PLSCR4: variants seen among roughly 807,000 people sequenced by gnomAD.
PLSCR4 encodes Ca(2+)-dependent phospholipid scramblase 4.
PLSCR4 carries 25 observed loss-of-function variants against 36.3 expected under a neutral mutation model. The ratio of observed to expected loss-of-function variants is 0.69; its 90% CI spans 0.50 to 0.96. The LOEUF (loss-of-function observed/expected upper bound fraction) is 0.96. Ranked by LOEUF, PLSCR4 falls within the 40% of genes least tolerant of loss-of-function variation. PLSCR4 has a pLI of 0.00. For missense variants in PLSCR4, 408 were observed against 414.7 expected (o/e 0.98, Z 0.14); for synonymous variants, 122 against 132.9 (o/e 0.92, Z 0.56).
intron 3 of PLSCR4, among the ~76,000 whole-genome samples, chr3:146,212,574 C>G (rs1032616615): frequency 1.6e-4 from 25 of 151,856 alleles, no homozygotes; most frequent in African/African-American, 6.0e-4. Flanking sequence ...CCCTAGCCTC[C>G]AGGTAACTGG....
chr3:146,238,014 C>T, intron 1 of PLSCR4, among the ~76,000 whole-genome samples: 1 of 151,612 alleles, frequency 6.6e-6, no homozygotes, highest in Admixed American at 6.6e-5. Context: ...CATATTAATA[C>T]TAACCTTACA....
At chr3:146,247,155 A>G (rs1283249936) in intron 1 of PLSCR4, among the ~76,000 whole-genome samples, 1 of 152,174 alleles carries the variant, frequency 6.6e-6, no homozygotes, top group Non-Finnish European at 1.5e-5. Flanking sequence ...GCCTAATGAC[A>G]ACAAGTTAAA....
chr3:146,211,642 T>C (rs2034626082), intron 3 of PLSCR4, among the ~76,000 whole-genome samples: 1 of 152,138 alleles, frequency 6.6e-6, no homozygotes, highest in African/African-American at 2.4e-5. Flanking sequence ...CATAAATACT[T>C]ACATCTATAT....
Position 146,201,018 on chromosome 3 carries a change from A to G in PLSCR4, c.397+17T>C, listed in dbSNP as rs1353997295. 1 of 1,518,472 alleles carries G rather than the reference A, an allele frequency of 6.6e-7. No homozygotes were observed. The highest frequency in any genetic ancestry group is 8.9e-7 in the Non-Finnish European group (1 of 1,120,926). The allele number at this position is 1,518,472 out of a possible 1,614,324, so 94.1% of individuals were successfully genotyped here. On this transcript the variant is annotated intron_variant, in intron 5 of 8. Coordinates refer to ENST00000354952, the MANE Select transcript of PLSCR4 (RefSeq NM_020353.3). ...TCTGATTAAAATACTGCTGAGCACT[A>G]CAAAAATTATACATACTTTCCAGAG...
chr3:146,243,437 T>C (rs953347373), intron 1 of PLSCR4, among the ~76,000 whole-genome samples: 3 of 152,158 alleles, frequency 2.0e-5, no homozygotes, highest in Non-Finnish European at 2.9e-5. Flanking sequence ...GATGAACCAA[T>C]CTCTAACTTT....
intron 1 of PLSCR4, among the ~76,000 whole-genome samples, chr3:146,239,403 G>C (rs183101618): frequency 6.6e-6 from 1 of 151,572 alleles, no homozygotes; most frequent in African/African-American, 2.4e-5. Context: ...GAACAGAAAT[G>C]AGAATCCAGA....
chr3:146,203,543 G>C (rs2034155108), intron 4 of PLSCR4, among the ~76,000 whole-genome samples: 1 of 152,020 alleles, frequency 6.6e-6, no homozygotes, highest in African/African-American at 2.4e-5. Flanking sequence ...TCTTGTTATA[G>C]TTAGGATCTT....
intron 4 of PLSCR4, among the ~76,000 whole-genome samples, chr3:146,202,165 A>G (rs2034080629): frequency 6.6e-6 from 1 of 152,024 alleles, no homozygotes; most frequent in Non-Finnish European, 1.5e-5. Flanking sequence ...AGACATAAAT[A>G]TGCCTCATAA....
intron 5 of PLSCR4, among the ~76,000 whole-genome samples, 162 bp from the exon 6 acceptor site, chr3:146,200,201 A>C (rs534868993): frequency 4.6e-5 from 7 of 152,198 alleles, no homozygotes; most frequent in African/African-American, 1.4e-4. Context: ...ATATTATCTA[A>C]AAGTATTTAA....
At chr3:146,224,658 G>A (rs1027941538) in intron 1 of PLSCR4, among the ~76,000 whole-genome samples, 2 of 152,028 alleles carry the variant, frequency 1.3e-5, no homozygotes, top group African/African-American at 4.8e-5. Flanking sequence ...AAGAAAAAAA[G>A]CTTCCACAGT....
intron 1 of PLSCR4, among the ~76,000 whole-genome samples, chr3:146,249,715 A>G (rs2036476742): frequency 6.6e-6 from 1 of 151,874 alleles, no homozygotes; most frequent in Admixed American, 6.6e-5. Context: ...CACATGAGCT[A>G]AACAGTACAG....
At chr3:146,195,330 C>T in intron 7 of PLSCR4, 48 bp from the exon 8 acceptor site, 2 of 1,448,456 alleles carry the variant, frequency 1.4e-6, no homozygotes, top group Non-Finnish European at 1.9e-6. Flanking sequence ...CGCATTGAAG[C>T]ATGTTTTAAT....
At chr3:146,210,325 A>G (rs2034552918) in intron 3 of PLSCR4, among the ~76,000 whole-genome samples, 1 of 152,112 alleles carries the variant, frequency 6.6e-6, no homozygotes, top group Non-Finnish European at 1.5e-5. Flanking sequence ...TTTTATGAGC[A>G]GGGAATACCA....
intron 1 of PLSCR4, among the ~76,000 whole-genome samples, chr3:146,225,926 C>T (rs983878471): frequency 6.6e-6 from 1 of 152,218 alleles, no homozygotes; most frequent in African/African-American, 2.4e-5. Flanking sequence ...AGTGGGAGCC[C>T]AGGCAGAGGA....
intron 4 of PLSCR4, among the ~76,000 whole-genome samples, chr3:146,205,858 G>A (rs1015918243): frequency 1.3e-5 from 2 of 151,952 alleles, no homozygotes; most frequent in Admixed American, 1.3e-4. Flanking sequence ...CATTAAGCAG[G>A]TTTTTTAGTT....
intron 1 of PLSCR4, among the ~76,000 whole-genome samples, chr3:146,243,512 C>G (rs1270136785): frequency 6.6e-6 from 1 of 152,144 alleles, no homozygotes; most frequent in Admixed American, 6.6e-5. Context: ...CTAAGCAACC[C>G]TAATCCAAAA....
chr3:146,244,947 A>G (rs7643778), intron 1 of PLSCR4, among the ~76,000 whole-genome samples: 116,553 of 151,958 alleles, frequency 0.77, 45,747 homozygotes, highest in Non-Finnish European at 0.86. Context: ...AGATACCACT[A>G]AGAACTTTTG....
Position 146,195,248 on chromosome 3 carries a change from C to T in PLSCR4, c.821G>A (p.Ser274Asn), listed in dbSNP as rs2033665655. The change falls in exon 8 of 9, where the codon AGT (serine) becomes AAT (asparagine). Residue 274 changes from serine (S) to asparagine (N), a missense_variant. Transcript: ENST00000354952. ...KSLDGISNIGSIIRKWNGLLS... is the reference protein window; with the variant it reads ...KSLDGISNIGNIIRKWNGLLS... ...CAAACCATTCCACTTCCGGATAATA[C>T]TGCCGATGTTGGATATGCCATCAAG... 6.2e-7 allele frequency: 1 copy of T among 1,613,794 alleles called. No homozygotes were observed. Among genetic ancestry groups the T allele is most frequent in the Non-Finnish European group, 8.5e-7 (1 of 1,179,756 alleles).
intron 1 of PLSCR4, among the ~76,000 whole-genome samples, chr3:146,225,479 G>T (rs1232962049): frequency 6.6e-6 from 1 of 152,218 alleles, no homozygotes; most frequent in Non-Finnish European, 1.5e-5. Context: ...CGGTGGAGCA[G>T]GGGGTGGTGC....
Sources: allele counts gnomAD v4.1 joint callset (sites outside exome capture counted in the v4.1 genomes callset), GRCh38; gene constraint gnomAD v4.1.1; transcripts MANE v1.5; gene names NCBI Gene and HGNC (gene_info 2026-07-23, HGNC 2026-07-21).